The following DCHS2 variants were observed in gnomAD, a reference collection of about 807,000 sequenced individuals.
DCHS2 encodes protocadherin-23.
In DCHS2, 142 loss-of-function variants were observed where a neutral mutation model predicts 182.4. The ratio of observed to expected loss-of-function variants is 0.78; its 90% CI spans 0.68 to 0.89. The LOEUF (loss-of-function observed/expected upper bound fraction) is 0.89, where lower values mean the gene tolerates loss of function less well. Ranked by LOEUF, DCHS2 falls within the 40% of genes least tolerant of loss-of-function variation. The pLI is 0.00. For missense variants in DCHS2, 4,319 were observed against 4,198.6 expected (o/e 1.03, Z -0.79); for synonymous variants, 1,740 against 1,663.3 (o/e 1.05, Z -1.12).
chr4:154,300,248 G>T (rs1300100398), intron 12 of DCHS2, among the ~76,000 whole-genome samples: 2 of 152,144 alleles, frequency 1.3e-5, no homozygotes, highest in Non-Finnish European at 2.9e-5. Flanking sequence ...GGGTCAAATT[G>T]TGAAGGGCTC....
At chr4:154,429,877 G>A (rs374630035) in intron 1 of DCHS2, among the ~76,000 whole-genome samples, 50 of 152,092 alleles carry the variant, frequency 3.3e-4, no homozygotes, top group East Asian at 1.2e-3. Context: ...CTGTGTAATC[G>A]TATGCAAGCC....
intron 3 of DCHS2, chr4:154,343,670 C>G (rs1462592320): frequency 7.0e-7 from 1 of 1,422,296 alleles, no homozygotes; most frequent in East Asian, 2.5e-5. Flanking sequence ...GAGTTAGGAC[C>G]TTGCTCTGGA....
intron 5 of DCHS2, 85 bp downstream of exon 5, chr4:154,332,393 T>G: frequency 7.9e-7 from 1 of 1,258,460 alleles, no homozygotes; most frequent in Non-Finnish European, 1.1e-6. Context: ...TTGTTTAATT[T>G]TTTATTTTTA....
Position 154,277,630 on chromosome 4 carries a change from CAA to C in DCHS2, c.6464-7619_6464-7618del, listed in dbSNP as rs35543228. 6.6e-3 allele frequency among the ~76,000 whole-genome samples: 675 copies of C among 102,476 alleles called. 3 individuals carry two copies. Among genetic ancestry groups the C allele is most frequent in the African/African-American group, 0.017 (462 of 27,446 alleles). 67.2% of individuals were successfully genotyped at this position (102,476 alleles called of 152,430 possible). ...TTTTTTTCAAATGCAGAAATCACAC[CAA>C]AAAAAAAAAAAAAAAGACAATAAGG... On this transcript the variant is annotated intron_variant, in intron 13 of 19. Coordinates refer to ENST00000357232, the MANE Select transcript of DCHS2 (RefSeq NM_001358235.2).
intron 7 of DCHS2, among the ~76,000 whole-genome samples, chr4:154,325,316 C>CGTGTGTGTGTGTGTGT (rs75589397): frequency 9.1e-5 from 13 of 142,766 alleles, no homozygotes; most frequent in African/African-American, 3.1e-4. Context: ...GGATTATAGC[C>CGTGTGTGTGTGTGTGT]GTGTGTGTGT....
At chr4:154,484,492 C>T (rs1728508924) in intron 1 of DCHS2, among the ~76,000 whole-genome samples, 1 of 152,178 alleles carries the variant, frequency 6.6e-6, no homozygotes, top group Non-Finnish European at 1.5e-5. Flanking sequence ...ACTACAGGAA[C>T]CAGACACACC....
chr4:154,412,704 C>A (rs1407352385), intron 1 of DCHS2, among the ~76,000 whole-genome samples: 1 of 152,172 alleles, frequency 6.6e-6, no homozygotes. Context: ...TTCATACGTT[C>A]TTCCTAAGAC....
chr4:154,292,959 C>G (rs1217666904), intron 13 of DCHS2, among the ~76,000 whole-genome samples: 2 of 152,212 alleles, frequency 1.3e-5, no homozygotes, highest in Non-Finnish European at 2.9e-5. Flanking sequence ...CTAACACCAT[C>G]CTCCTGGGAA....
Position 154,421,917 on chromosome 4 carries a change from T to A in DCHS2, c.2053-44473A>T, listed in dbSNP as rs185803590. ...ATCACTCCATTGAAGTAATTATTGC[T>A]AAAATCACGAATAGCCAAAGTTGCT... On this transcript the variant is annotated intron_variant, in intron 1 of 19. Transcript: ENST00000357232. Among the ~76,000 whole-genome samples, 283 of 152,350 alleles carry A rather than the reference T, an allele frequency of 1.9e-3. 3 individuals are homozygous for A. Among genetic ancestry groups the A allele is most frequent in the Non-Finnish European group, 1.3e-3 (87 of 68,036 alleles).
intron 1 of DCHS2, among the ~76,000 whole-genome samples, chr4:154,415,303 A>T (rs1031488927): frequency 4.6e-5 from 7 of 152,212 alleles, no homozygotes; most frequent in Admixed American, 1.3e-4. Flanking sequence ...TGACTTATAC[A>T]TAGATTTAAT....
intron 1 of DCHS2, among the ~76,000 whole-genome samples, chr4:154,413,880 C>T (rs868496670): frequency 1.3e-5 from 2 of 152,174 alleles, no homozygotes; most frequent in Non-Finnish European, 2.9e-5. Context: ...GTAAACAGAA[C>T]TTTTATTAAA....
intron 7 of DCHS2, 89 bp from the exon 8 acceptor site, chr4:154,322,577 AG>A (rs1736107831): frequency 7.1e-7 from 1 of 1,413,078 alleles, no homozygotes; most frequent in Admixed American, 3.0e-5. Context: ...ATCATTTGGA[AG>A]ATTTGTTTGC....
intron 3 of DCHS2, among the ~76,000 whole-genome samples, chr4:154,342,278 G>A (rs1400664567): frequency 1.3e-5 from 2 of 152,110 alleles, no homozygotes; most frequent in Non-Finnish European, 2.9e-5. Flanking sequence ...GCTGGTGGAG[G>A]GGCTTGCCTC....
At chr4:154,237,340 T>C in intron 19 of DCHS2, 181 bp from the exon 20 acceptor site, 1 of 826,252 alleles carries the variant, frequency 1.2e-6, no homozygotes, top group Admixed American at 3.6e-5. Flanking sequence ...GTTTATAACA[T>C]GTAAGATACA....
intron 16 of DCHS2, among the ~76,000 whole-genome samples, chr4:154,245,646 T>A (rs1732037699): frequency 6.6e-6 from 1 of 152,164 alleles, no homozygotes; most frequent in African/African-American, 2.4e-5. Context: ...CTACACAGGT[T>A]TTATCTTCCC....
At chr4:154,465,538 G>T (rs1010531864) in intron 1 of DCHS2, among the ~76,000 whole-genome samples, 3 of 151,898 alleles carry the variant, frequency 2.0e-5, no homozygotes, top group Admixed American at 6.6e-5. Context: ...GCATGGTGGC[G>T]CACCCCTGTA....
intron 1 of DCHS2, among the ~76,000 whole-genome samples, chr4:154,468,726 C>T (rs1446399624): frequency 1.3e-5 from 2 of 152,126 alleles, no homozygotes; most frequent in Non-Finnish European, 2.9e-5. Flanking sequence ...TCACTGATTC[C>T]TTCTCTGAAT....
intron 1 of DCHS2, among the ~76,000 whole-genome samples, chr4:154,411,652 A>G (rs188112934): frequency 4.8e-4 from 73 of 152,292 alleles, no homozygotes; most frequent in Non-Finnish European, 7.9e-4. Context: ...CTACAACACA[A>G]GCTATAGTTA....
At chr4:154,278,613 T>C (rs1733978169) in intron 13 of DCHS2, among the ~76,000 whole-genome samples, 2 of 146,716 alleles carry the variant, frequency 1.4e-5, no homozygotes, top group Admixed American at 1.4e-4. Context: ...AGAGAAAATC[T>C]TAAATTAAAA....
Sources: gnomAD v4.1 joint callset for allele counts (sites outside exome capture counted in the v4.1 genomes callset) on GRCh38, gnomAD v4.1.1 for gene constraint, MANE v1.5 for transcripts, NCBI Gene and HGNC (gene_info 2026-07-23, HGNC 2026-07-21) for gene names.